The following COL22A1 variants were observed in gnomAD, a reference collection of about 807,000 sequenced individuals.
The protein encoded by COL22A1 is collagen type XXII alpha 1 chain, also known as collagen alpha-1(XXII) chain.
A neutral mutation model predicts 248.9 loss-of-function variants in COL22A1; 221 were observed. The ratio of observed to expected loss-of-function variants is 0.89; its 90% CI spans 0.80 to 0.99. The LOEUF (loss-of-function observed/expected upper bound fraction) is 0.99, where lower values mean the gene tolerates loss of function less well. Among genes scored for constraint, COL22A1 ranks in the 50% least tolerant of loss-of-function variants. COL22A1 has a pLI of 0.00. For synonymous variants in COL22A1, 891 were observed against 793.4 expected (o/e 1.12, Z -2.07); for missense variants, 2,240 against 2,179.0 (o/e 1.03, Z -0.56).
rs140205242 is a variant in COL22A1, at chr8:138,762,989, G to T, written c.1804-523C>A. Among the ~76,000 whole-genome samples the T allele has an allele frequency of 8.9e-4, 136 of 152,294 alleles. 2 individuals are homozygous for T. The East Asian group carries it at 0.023, about 26-fold the overall frequency. Reference sequence around the variant, plus strand: ...ACGGAGCTGACTGAGTGTCTTACTAGCTGTGGGATCTTGGGCAGTCACTTC... The same window carrying T: ...ACGGAGCTGACTGAGTGTCTTACTATCTGTGGGATCTTGGGCAGTCACTTC... On this transcript the variant is annotated intron_variant, in intron 16 of 64. Transcript: ENST00000303045.
At chr8:138,679,089 G>T (rs111621914) in intron 40 of COL22A1, among the ~76,000 whole-genome samples, 1,644 of 151,980 alleles carry the variant, frequency 0.011, 27 homozygotes, top group African/African-American at 0.038. Flanking sequence ...CCTAATTTTT[G>T]ACATTTTTTA....
At chr8:138,704,539 T>C (rs904509982) in intron 30 of COL22A1, among the ~76,000 whole-genome samples, 2 of 139,190 alleles carry the variant, frequency 1.4e-5, no homozygotes, top group African/African-American at 5.1e-5. Context: ...TCCAGAAAAC[T>C]TCAACAGACC....
intron 3 of COL22A1, among the ~76,000 whole-genome samples, chr8:138,866,509 T>C (rs79132951): frequency 0.018 from 2,745 of 152,342 alleles, 79 homozygotes; most frequent in African/African-American, 0.062. Flanking sequence ...GTCGCCACTC[T>C]ATATTTCATC....
intron 22 of COL22A1, among the ~76,000 whole-genome samples, chr8:138,740,626 T>C (rs1184759950): frequency 1.3e-5 from 2 of 152,144 alleles, no homozygotes; most frequent in South Asian, 2.1e-4. Context: ...AGCAGATGTA[T>C]GGGCAAGTAG....
At chr8:138,793,989 A>G (rs1049966389) in intron 12 of COL22A1, among the ~76,000 whole-genome samples, 1 of 152,092 alleles carries the variant, frequency 6.6e-6, no homozygotes, top group African/African-American at 2.4e-5. Context: ...TGACCTCCGG[A>G]CCCCGGAAGT....
At chr8:138,836,567 C>T (rs1400076296) in intron 4 of COL22A1, among the ~76,000 whole-genome samples, 3 of 152,216 alleles carry the variant, frequency 2.0e-5, no homozygotes, top group African/African-American at 7.2e-5. Context: ...TAAACCCTCA[C>T]AAACTCTAGA....
At chr8:138,821,434 C>G in intron 6 of COL22A1, 23 bp from the exon 7 acceptor site, 1 of 1,600,992 alleles carries the variant, frequency 6.2e-7, no homozygotes, top group Non-Finnish European at 8.5e-7. Flanking sequence ...GGACCAGAGA[C>G]TCCTTGAGCT....
chr8:138,893,865 T>C (rs1825224077), intron 1 of COL22A1, among the ~76,000 whole-genome samples: 1 of 152,156 alleles, frequency 6.6e-6, no homozygotes, highest in African/African-American at 2.4e-5. Context: ...GGACATGGTG[T>C]CATGGGAGCT....
At position 138,791,430 on chromosome 8, in the gene COL22A1, C is replaced by T. The variant is rs369814128; in HGVS notation, c.1596+5389G>A. ...CCATCTGCCAAGTAACACAGAACAG[C>T]GTAACTCCAGTGCCAACTTAAGGTC... On this transcript the variant is annotated intron_variant, in intron 12 of 64. Coordinates refer to ENST00000303045, the MANE Select transcript of COL22A1 (RefSeq NM_152888.3). 7.9e-5 allele frequency among the ~76,000 whole-genome samples: 12 copies of T among 152,294 alleles called. No homozygotes were observed. In the South Asian group the frequency reaches 2.1e-3, roughly 26 times the overall value.
At position 138,690,871 on chromosome 8, in the gene COL22A1, C is replaced by A. The variant is rs750818420; in HGVS notation, c.2758G>T (p.Ala920Ser). ...GAPGAAGNPGAPGHVGAPGPS... is the reference protein window; with the variant it reads ...GAPGAAGNPGSPGHVGAPGPS... Reference sequence around the variant, plus strand: ...CCGGGGGCACCGACATGTCCGGGAGCACCCTGTTCAGAGACAGAAGTTTAG... The same window carrying A: ...CCGGGGGCACCGACATGTCCGGGAGAACCCTGTTCAGAGACAGAAGTTTAG... The change falls in exon 36 of 65, where the codon GCT becomes TCT. Residue 920 changes from alanine to serine, a missense_variant. Physicochemically the swap from Ala to Ser is moderately conservative, Grantham distance 99 (BLOSUM62 1). Transcript: ENST00000303045. The A allele has an allele frequency of 2.7e-5, 43 of 1,608,896 alleles. No individual in the cohort carries two copies. Among genetic ancestry groups the A allele is most frequent in the Non-Finnish European group, 3.5e-5 (41 of 1,177,850 alleles).
intron 9 of COL22A1, 109 bp downstream of exon 9, chr8:138,811,690 C>G: frequency 7.7e-7 from 1 of 1,299,364 alleles, no homozygotes; most frequent in Non-Finnish European, 1.1e-6. Context: ...AGCTGACAGC[C>G]ATGGGCCTCC....
intron 59 of COL22A1, 51 bp downstream of exon 59, chr8:138,604,683 C>T (rs890662673): frequency 1.3e-6 from 2 of 1,545,104 alleles, no homozygotes; most frequent in Non-Finnish European, 1.8e-6. Context: ...GCATAGACTG[C>T]CCATTGGTGG....
At chr8:138,697,942 C>T (rs530954612) in intron 32 of COL22A1, among the ~76,000 whole-genome samples, 175 of 152,358 alleles carry the variant, frequency 1.1e-3, no homozygotes, top group African/African-American at 4.1e-3. Context: ...GAGTGGCTTC[C>T]TGGCTCCCAG....
intron 9 of COL22A1, among the ~76,000 whole-genome samples, chr8:138,810,979 C>T (rs1405015093): frequency 1.3e-5 from 2 of 152,134 alleles, no homozygotes; most frequent in Non-Finnish European, 2.9e-5. Flanking sequence ...AGATGAAGGG[C>T]CCCGGGGCCA....
chr8:138,706,999 CTATA>C (rs1828518157), intron 30 of COL22A1, among the ~76,000 whole-genome samples: 1 of 152,158 alleles, frequency 6.6e-6, no homozygotes, highest in Non-Finnish European at 1.5e-5. Flanking sequence ...TCAGAGAATA[CTATA>C]AACACTTCTA....
chr8:138,798,060 A>G (rs1816701315), intron 11 of COL22A1, among the ~76,000 whole-genome samples: 1 of 151,494 alleles, frequency 6.6e-6, no homozygotes, highest in Admixed American at 6.6e-5. Flanking sequence ...AATACAAAAG[A>G]TATAACCTAT....
At position 138,879,837 on chromosome 8, in the gene COL22A1, T is replaced by TAAAACAAAACAAAACAAAAC. The variant is rs146542704; in HGVS notation, c.92-1541_92-1522dup. On this transcript the variant is annotated intron_variant, in intron 2 of 64. Coordinates refer to ENST00000303045, the MANE Select transcript of COL22A1 (RefSeq NM_152888.3). The stretch of plus-strand genomic sequence containing the variant: ...AACACCAGGCACAAACATTTGGCTA[T>TAAAACAAAACAAAACAAAAC]AAAACAAAACAAAACAAAACAAAAA... Among the ~76,000 whole-genome samples, 461 of 150,042 alleles carry TAAAACAAAACAAAACAAAAC rather than the reference T, an allele frequency of 3.1e-3. 1 individual carries two copies. Among genetic ancestry groups the TAAAACAAAACAAAACAAAAC allele is most frequent in the African/African-American group, 0.01 (419 of 40,802 alleles).
intron 23 of COL22A1, among the ~76,000 whole-genome samples, chr8:138,733,140 G>T (rs1182638390): frequency 6.6e-6 from 1 of 152,138 alleles, no homozygotes; most frequent in Non-Finnish European, 1.5e-5. Context: ...GCCCTCCCCT[G>T]CCTGCATTTC....
At chr8:138,887,048 G>C (rs1172457904) in intron 1 of COL22A1, among the ~76,000 whole-genome samples, 1 of 151,978 alleles carries the variant, frequency 6.6e-6, no homozygotes, top group African/African-American at 2.4e-5. Context: ...CTTATCCTTC[G>C]AGTCACAAGC....
Sources: allele counts gnomAD v4.1 joint callset (sites outside exome capture counted in the v4.1 genomes callset), GRCh38; gene constraint gnomAD v4.1.1; transcripts MANE v1.5; gene names NCBI Gene and HGNC (gene_info 2026-07-23, HGNC 2026-07-21).